NEGR1: variants seen among roughly 807,000 people sequenced by gnomAD.
The protein encoded by NEGR1 is neuronal growth regulator 1.
In NEGR1, 10 loss-of-function variants were observed where a neutral mutation model predicts 40.9. The observed-to-expected ratio is 0.24, with a 90% CI of 0.15 to 0.42. The LOEUF (loss-of-function observed/expected upper bound fraction) is 0.42, where lower values mean the gene tolerates loss of function less well. Among genes scored for constraint, NEGR1 ranks in the 10% least tolerant of loss-of-function variants. NEGR1 has a pLI of 1.00. For synonymous variants in NEGR1, 185 were observed against 166.8 expected, an observed-to-expected ratio of 1.11 and a Z score of -0.84; for missense variants, 352 against 438.9, an observed-to-expected ratio of 0.80 and a Z score of 1.77.
intron 1 of NEGR1, among the ~76,000 whole-genome samples, chr1:72,030,998 G>A (rs975800518): frequency 6.6e-6 from 1 of 152,166 alleles, no homozygotes; most frequent in Admixed American, 6.6e-5. Context: ...TACATGTTGT[G>A]TTTCCTTTGT....
chr1:71,508,174 C>T (rs1473603545), intron 6 of NEGR1, among the ~76,000 whole-genome samples: 1 of 152,084 alleles, frequency 6.6e-6, no homozygotes, highest in African/African-American at 2.4e-5. Context: ...AGCCTGGTGA[C>T]TTGGTGTTAA....
chr1:71,790,923 T>G (rs2101735117), intron 2 of NEGR1, among the ~76,000 whole-genome samples: 1 of 152,124 alleles, frequency 6.6e-6, no homozygotes, highest in African/African-American at 2.4e-5. Flanking sequence ...GGTTAAGTGA[T>G]GAACAAAAAT....
intron 1 of NEGR1, among the ~76,000 whole-genome samples, chr1:71,942,455 C>CTATCTATATATATATATATATA (rs1342537095): frequency 4.7e-5 from 1 of 21,298 alleles, no homozygotes; most frequent in African/African-American, 1.6e-4. Flanking sequence ...TTCTTTAAAT[C>CTATCTATATATATATATATATA]TATATATATA....
chr1:71,601,948 A>C (rs1026399946), intron 5 of NEGR1, among the ~76,000 whole-genome samples: 2 of 152,130 alleles, frequency 1.3e-5, no homozygotes, highest in South Asian at 4.1e-4. Context: ...GTACCTGCTG[A>C]ATCTAAAATA....
chr1:71,873,044 C>A (rs1311986490), intron 2 of NEGR1, among the ~76,000 whole-genome samples: 1 of 147,180 alleles, frequency 6.8e-6, no homozygotes, highest in Non-Finnish European at 1.5e-5. Flanking sequence ...ATTTCTTGCT[C>A]TACCACTCAA....
intron 2 of NEGR1, among the ~76,000 whole-genome samples, chr1:71,880,505 A>T (rs978433883): frequency 6.6e-6 from 1 of 152,168 alleles, no homozygotes; most frequent in Admixed American, 6.6e-5. Context: ...CTCTGTTCAA[A>T]TTTAAGACAC....
intron 2 of NEGR1, among the ~76,000 whole-genome samples, chr1:71,795,961 G>T (rs1657310819): frequency 6.6e-6 from 1 of 152,110 alleles, no homozygotes; most frequent in Non-Finnish European, 1.5e-5. Context: ...GGCCTCATTT[G>T]GTCCCAGAGA....
intron 1 of NEGR1, among the ~76,000 whole-genome samples, chr1:71,976,208 CCTTTT>C (rs1646302636): frequency 6.6e-6 from 1 of 152,108 alleles, no homozygotes; most frequent in African/African-American, 2.4e-5. Context: ...TTGTTTCTTT[CCTTTT>C]GTTTTCGCTT....
At position 72,055,335 on chromosome 1, in the gene NEGR1, C is replaced by A. The variant is rs148906533; in HGVS notation, c.177-120024G>T. Among the ~76,000 whole-genome samples, 85 of 151,256 alleles carry A rather than the reference C, an allele frequency of 5.6e-4. 1 individual carries two copies. The East Asian group carries it at 0.015, about 27-fold the overall frequency. ...TACAGTTAGTTTTAATAACCTGAAC[C>A]TAATTTCAATAAAATTACTCCCTTA... On this transcript the variant is annotated intron_variant, in intron 1 of 6. Coordinates refer to ENST00000357731, the MANE Select transcript of NEGR1 (RefSeq NM_173808.3).
chr1:71,736,480 T>C (rs539050981), intron 3 of NEGR1, among the ~76,000 whole-genome samples: 3 of 152,176 alleles, frequency 2.0e-5, no homozygotes, highest in Non-Finnish European at 2.9e-5. Context: ...GCAGCAATCA[T>C]AGAGAAAGTC....
chr1:71,512,493 C>T (rs1204152121), intron 6 of NEGR1, among the ~76,000 whole-genome samples: 1 of 151,354 alleles, frequency 6.6e-6, no homozygotes, highest in Non-Finnish European at 1.5e-5. Context: ...CAACTAAAGG[C>T]AAAATTTGCA....
intron 1 of NEGR1, among the ~76,000 whole-genome samples, chr1:72,270,061 AGGCACTG>A (rs964636091): frequency 8.6e-5 from 13 of 151,956 alleles, no homozygotes; most frequent in African/African-American, 2.9e-4. Context: ...ATAATGAGAA[AGGCACTG>A]GGCTTGGGAT....
chr1:71,537,026 AACT>A (rs1647535157), intron 6 of NEGR1, among the ~76,000 whole-genome samples: 1 of 151,706 alleles, frequency 6.6e-6, no homozygotes, highest in South Asian at 2.1e-4. Context: ...GTATTTCAGA[AACT>A]ACTTATTGAA....
intron 1 of NEGR1, among the ~76,000 whole-genome samples, chr1:72,129,636 CAAGTAGGGAGATGTTTAGGGGTCT>C (rs1328331556): frequency 1.3e-5 from 2 of 151,990 alleles, no homozygotes; most frequent in African/African-American, 4.8e-5. Context: ...GCAAGGAAGG[CAAGTAGGGAGATGTTTAGGGGTCT>C]AATTTATGTA....
intron 1 of NEGR1, among the ~76,000 whole-genome samples, chr1:72,171,608 G>T (rs531698464): frequency 4.6e-5 from 7 of 152,018 alleles, no homozygotes; most frequent in African/African-American, 1.7e-4. Context: ...TGTCTTTTTT[G>T]CCATAAATAG....
At chr1:71,662,939 T>A (rs1285407210) in intron 4 of NEGR1, among the ~76,000 whole-genome samples, 1 of 151,798 alleles carries the variant, frequency 6.6e-6, no homozygotes, top group African/African-American at 2.4e-5. Context: ...CTTCTACCAG[T>A]TTTGTTTTTT....
At chr1:71,595,826 C>G (rs1189332069) in intron 5 of NEGR1, among the ~76,000 whole-genome samples, 1 of 152,042 alleles carries the variant, frequency 6.6e-6, no homozygotes, top group Non-Finnish European at 1.5e-5. Context: ...GAAGCTCCAG[C>G]ATATATGACC....
intron 5 of NEGR1, among the ~76,000 whole-genome samples, chr1:71,609,472 G>A (rs1231104882): frequency 6.1e-5 from 7 of 114,042 alleles, no homozygotes; most frequent in African/African-American, 2.0e-4. Context: ...CCGACATCAC[G>A]CCACTGCACT....
chr1:71,460,766 T>G (rs1256392072), intron 6 of NEGR1, among the ~76,000 whole-genome samples: 1 of 152,136 alleles, frequency 6.6e-6, no homozygotes, highest in Admixed American at 6.6e-5. Flanking sequence ...ACTCCATAGT[T>G]GGAAGAAATA....
Sources: allele counts gnomAD v4.1 joint callset (sites outside exome capture counted in the v4.1 genomes callset), GRCh38; gene constraint gnomAD v4.1.1; transcripts MANE v1.5; gene names NCBI Gene and HGNC (gene_info 2026-07-23, HGNC 2026-07-21).